ROBO1: variants seen among roughly 807,000 people sequenced by gnomAD.
The protein encoded by ROBO1 is roundabout homolog 1.
In ROBO1, 149 loss-of-function variants were observed where a neutral mutation model predicts 195.9. The observed-to-expected ratio is 0.76, with a 90% confidence interval of 0.67 to 0.87. ROBO1 has a LOEUF of 0.87. Ranked by LOEUF, ROBO1 falls within the 40% of genes least tolerant of loss-of-function variation. The pLI is 0.00. For synonymous variants in ROBO1, 816 were observed against 733.2 expected, an observed-to-expected ratio of 1.11 and a Z score of -1.82; for missense variants, 1,933 against 2,068.3, an observed-to-expected ratio of 0.93 and a Z score of 1.27.
chr3:78,794,707 C>A (rs1437136300), intron 4 of ROBO1, among the ~76,000 whole-genome samples: 1 of 152,044 alleles, frequency 6.6e-6, no homozygotes, highest in East Asian at 1.9e-4. Context: ...CATGTGCTAC[C>A]GAGTAGCTAG....
chr3:79,654,909 T>C (rs1474513244), intron 1 of ROBO1, among the ~76,000 whole-genome samples: 1 of 152,020 alleles, frequency 6.6e-6, no homozygotes, highest in Non-Finnish European at 1.5e-5. Context: ...CACCGCCTCT[T>C]AGGTCTGTGT....
chr3:78,815,621 TGAG>T, intron 4 of ROBO1, among the ~76,000 whole-genome samples: 2 of 9,136 alleles, frequency 2.2e-4, no homozygotes, highest in South Asian at 0.14. Context: ...CTCTAGAACT[TGAG>T]AGCAAGGTGA....
intron 3 of ROBO1, among the ~76,000 whole-genome samples, chr3:79,053,624 C>T (rs560121536): frequency 6.6e-6 from 1 of 152,060 alleles, no homozygotes; most frequent in South Asian, 2.1e-4. Context: ...CTTCTTCACA[C>T]ATGGACGCTA....
intron 1 of ROBO1, among the ~76,000 whole-genome samples, chr3:79,738,498 A>T (rs1002620002): frequency 4.6e-5 from 7 of 152,160 alleles, no homozygotes; most frequent in African/African-American, 1.7e-4. Flanking sequence ...TCCAGTTAGA[A>T]AATAATAAAA....
intron 2 of ROBO1, among the ~76,000 whole-genome samples, chr3:79,263,309 A>G (rs2082974213): frequency 6.6e-6 from 1 of 152,186 alleles, no homozygotes; most frequent in African/African-American, 2.4e-5. Flanking sequence ...CCTGATAACA[A>G]AGACCAGTCT....
chr3:79,716,683 T>A (rs1560126806), intron 1 of ROBO1, among the ~76,000 whole-genome samples: 1 of 152,020 alleles, frequency 6.6e-6, no homozygotes, highest in East Asian at 1.9e-4. Context: ...ACCAACTATG[T>A]TGGTCCTCAG....
At chr3:79,707,808 G>A (rs958827152) in intron 1 of ROBO1, among the ~76,000 whole-genome samples, 22 of 151,980 alleles carry the variant, frequency 1.4e-4, no homozygotes, top group African/African-American at 4.6e-4. Context: ...ACACCTGGCC[G>A]AAAAGAATTT....
chr3:79,672,551 C>T (rs773075807), intron 1 of ROBO1, among the ~76,000 whole-genome samples: 77 of 151,812 alleles, frequency 5.1e-4, no homozygotes, highest in Admixed American at 1.2e-3. Context: ...TCAGATCAGA[C>T]GTAAACTCTT....
intron 1 of ROBO1, among the ~76,000 whole-genome samples, chr3:79,633,276 C>T (rs951510355): frequency 2.7e-5 from 4 of 149,836 alleles, no homozygotes; most frequent in African/African-American, 7.4e-5. Context: ...TGGGCTCAGG[C>T]GATCCTCCCA....
intron 2 of ROBO1, among the ~76,000 whole-genome samples, chr3:79,575,128 AATAT>A (rs1391437554): frequency 4.4e-5 from 3 of 67,894 alleles, no homozygotes; most frequent in Admixed American, 1.3e-4. Context: ...TATATATATA[AATAT>A]ATATAACAAA....
chr3:79,013,204 C>A (rs1260390564), intron 3 of ROBO1, among the ~76,000 whole-genome samples: 1 of 152,052 alleles, frequency 6.6e-6, no homozygotes, highest in Non-Finnish European at 1.5e-5. Flanking sequence ...GTGAGGAGTA[C>A]CAATTACTTG....
intron 2 of ROBO1, among the ~76,000 whole-genome samples, chr3:79,144,102 C>T (rs1052863546): frequency 2.0e-5 from 3 of 151,862 alleles, no homozygotes; most frequent in Admixed American, 1.3e-4. Context: ...TAGCCATTGA[C>T]CTGTTGAGGA....
At chr3:78,830,894 T>C in intron 4 of ROBO1, among the ~76,000 whole-genome samples, 1 of 136,246 alleles carries the variant, frequency 7.3e-6, no homozygotes, top group Non-Finnish European at 1.5e-5. Flanking sequence ...TTTGTGTTTT[T>C]TGTTTGTTTG....
chr3:78,710,266 C>T (rs1013851427), intron 8 of ROBO1, among the ~76,000 whole-genome samples: 1 of 152,060 alleles, frequency 6.6e-6, no homozygotes, highest in Non-Finnish European at 1.5e-5. Flanking sequence ...AGAGATGGAG[C>T]CATGAACTCC....
chr3:79,379,563 A>G (rs1336867742), intron 2 of ROBO1, among the ~76,000 whole-genome samples: 1 of 152,230 alleles, frequency 6.6e-6, no homozygotes, highest in Non-Finnish European at 1.5e-5. Flanking sequence ...ACCTTAAAAC[A>G]TAATTTCCAC....
intron 2 of ROBO1, among the ~76,000 whole-genome samples, chr3:79,273,690 G>A (rs1430991213): frequency 2.0e-5 from 3 of 151,330 alleles, no homozygotes; most frequent in African/African-American, 4.9e-5. Flanking sequence ...ATGTAAATGG[G>A]CTAAATTCTC....
At chr3:79,173,578 C>A (rs1164973993) in intron 2 of ROBO1, among the ~76,000 whole-genome samples, 1 of 152,090 alleles carries the variant, frequency 6.6e-6, no homozygotes, top group Non-Finnish European at 1.5e-5. Flanking sequence ...GGGCTGGGGA[C>A]CTGCAGCCCG....
intron 2 of ROBO1, among the ~76,000 whole-genome samples, chr3:79,404,350 G>C (rs763253941): frequency 2.1e-4 from 32 of 152,022 alleles, no homozygotes. Context: ...AATCAACTAT[G>C]CCTCCTGTCC....
chr3:79,624,993 AAC>A (rs1945124034), intron 1 of ROBO1, among the ~76,000 whole-genome samples: 1 of 152,176 alleles, frequency 6.6e-6, no homozygotes, highest in African/African-American at 2.4e-5. Context: ...AATTATAACA[AAC>A]AGTCTCTCAG....
Sources: gnomAD v4.1 joint callset for allele counts (sites outside exome capture counted in the v4.1 genomes callset) on GRCh38, gnomAD v4.1.1 for gene constraint, MANE v1.5 for transcripts, NCBI Gene and HGNC (gene_info 2026-07-23, HGNC 2026-07-21) for gene names.